GSTM4: variants seen among roughly 807,000 people sequenced by gnomAD.
The protein encoded by GSTM4 is GST class-mu 4.
GSTM4 carries 27 observed loss-of-function variants against 30.1 expected under a neutral mutation model. The ratio of observed to expected loss-of-function variants is 0.90; its 90% CI spans 0.66 to 1.24. The LOEUF is 1.24. Ranked by LOEUF, GSTM4 falls within the 50% of genes most tolerant of loss-of-function variation. The pLI is 0.00. For missense variants in GSTM4, 238 were observed against 272.1 expected (o/e 0.87, Z 0.88); for synonymous variants, 94 against 96.2 (o/e 0.98, Z 0.13).
chr1:109,664,011 T>C (rs1480069622), downstream of GSTM4, among the ~76,000 whole-genome samples: 1 of 152,244 alleles, frequency 6.6e-6, no homozygotes, highest in Non-Finnish European at 1.5e-5. Context: ...GCACATACAC[T>C]CTTAGGTTCT....
At chr1:109,661,777 G>T (rs1652335332), downstream of GSTM4, 2 of 928,634 alleles carry the variant, frequency 2.2e-6, no homozygotes, top group South Asian at 9.3e-5. Context: ...GGACTGGCTG[G>T]TGACCCTGGC....
chr1:109,665,050 A>C, downstream of GSTM4: 1 of 1,444,156 alleles, frequency 6.9e-7, no homozygotes, highest in Non-Finnish European at 9.8e-7. Flanking sequence ...TTTCTGCATC[A>C]ACTTGACTGG....
intron 7 of GSTM4, chr1:109,660,360 A>C (rs1652251791): frequency 6.5e-6 from 1 of 153,770 alleles, no homozygotes; most frequent in African/African-American, 2.4e-5. Flanking sequence ...CGTGCAGAGC[A>C]CACCTGAGTG....
At chr1:109,665,032 T>C (rs748047063), downstream of GSTM4, 2 of 1,581,476 alleles carry the variant, frequency 1.3e-6, no homozygotes, top group Non-Finnish European at 1.7e-6. Flanking sequence ...CATAATGTGA[T>C]GGTCAATTTT....
downstream of GSTM4, chr1:109,664,909 G>A: frequency 7.9e-7 from 1 of 1,259,694 alleles, no homozygotes; most frequent in South Asian, 1.2e-5. Flanking sequence ...TTCTCTACCT[G>A]TGGCTTAGTC....
At chr1:109,663,356 A>ATG (rs1652372372), downstream of GSTM4, among the ~76,000 whole-genome samples, 1 of 152,174 alleles carries the variant, frequency 6.6e-6, no homozygotes, top group African/African-American at 2.4e-5. Flanking sequence ...TATGCACTGT[A>ATG]TGTATTACAC....
At position 109,656,742 on chromosome 1, in the gene GSTM4, TAC is replaced by T. The variant is rs1282984343; in HGVS notation, c.71_72del (p.Thr24ArgfsTer16). On this transcript the variant is annotated frameshift_variant, in exon 2 of 8. Transcript: ENST00000369836. LOFTEE classifies it high-confidence loss of function. Reference sequence around the variant, plus strand: ...CCACGCCATCCGCCTGCTCCTGGAATACACAGACTCAAGCTACGAGGAAAAGA... The same window carrying T: ...CCACGCCATCCGCCTGCTCCTGGAATACAGACTCAAGCTACGAGGAAAAGA... ...LAHAIRLLLE[Y>X]TDSSYEEKKY... 4.3e-6 allele frequency: 7 copies of T among 1,613,838 alleles called. No homozygotes were observed. Among genetic ancestry groups the T allele is most frequent in the Admixed American group, 1.7e-5 (1 of 60,004 alleles).
At position 109,657,199 on chromosome 1, in the gene GSTM4, T is replaced by C; in HGVS notation, c.113-16T>C. The C allele has an allele frequency of 1.9e-6, 3 of 1,612,246 alleles. No individual in the cohort carries two copies. Among genetic ancestry groups the C allele is most frequent in the Admixed American group, 1.7e-5 (1 of 60,024 alleles). ...CTCTGGGGAGGTTTGTTTTCACTTCTTCTTCCCCACGGCAGCTCCTGACTA... is the reference window on the plus strand; with the variant it reads ...CTCTGGGGAGGTTTGTTTTCACTTCCTCTTCCCCACGGCAGCTCCTGACTA... On this transcript the variant is annotated splice_polypyrimidine_tract_variant and intron_variant, in intron 2 of 7. Transcript: ENST00000369836.
downstream of GSTM4, among the ~76,000 whole-genome samples, chr1:109,664,313 T>C (rs1282673706): frequency 7.1e-6 from 1 of 141,190 alleles, no homozygotes; most frequent in African/African-American, 2.6e-5. Context: ...GGTATTATCA[T>C]AGATAAATTG....
downstream of GSTM4, among the ~76,000 whole-genome samples, chr1:109,662,199 G>C (rs748836342): frequency 6.6e-6 from 1 of 152,234 alleles, no homozygotes; most frequent in Non-Finnish European, 1.5e-5. Context: ...CTATAGAAAG[G>C]ATGCCTCTTT....
Position 109,656,705 on chromosome 1 carries a change from C to T in GSTM4, c.37-7C>T, listed in dbSNP as rs764251447. ...CTCTGACACGACCTGCGGGCCATCT[C>T]TTCCAGCTGGCCCACGCCATCCGCC... On this transcript the variant is annotated splice_polypyrimidine_tract_variant and splice_region_variant and intron_variant, in intron 1 of 7. Transcript: ENST00000369836. The T allele has an allele frequency of 3.1e-6, 5 of 1,613,516 alleles. No homozygotes were observed. The highest frequency in any genetic ancestry group is 1.1e-5 in the South Asian group (1 of 91,060).
chr1:109,661,771 T>C, downstream of GSTM4: 1 of 954,116 alleles, frequency 1.0e-6, no homozygotes, highest in Non-Finnish European at 1.3e-6. Context: ...TCTGAGGGAC[T>C]GGCTGGTGAC....
chr1:109,657,030 A>C, intron 2 of GSTM4, 185 bp from the exon 3 acceptor site: 1 of 796,968 alleles, frequency 1.3e-6, no homozygotes, highest in South Asian at 1.5e-5. Context: ...TGGAAGCCTT[A>C]GCCGTGTGGG....
rs2101229938 is a variant in GSTM4, at chr1:109,661,436, C to A, written c.*182C>A. 1.4e-6 allele frequency: 2 copies of A among 1,452,888 alleles called. No individual in the cohort carries two copies. The highest frequency in any genetic ancestry group is 1.4e-5 in the African/African-American group (1 of 70,376). 90.0% of individuals were successfully genotyped at this position (1,452,888 alleles called of 1,614,324 possible). On this transcript the variant is annotated 3_prime_UTR_variant, in exon 8 of 8. Coordinates refer to ENST00000369836, the MANE Select transcript of GSTM4 (RefSeq NM_000850.5). ...ACTTCCCCTAAACCCCTGTCCCATG[C>A]AGGCCCTTTGAAGCCTCAGCTACCC...
In GSTM4 at chr1:109,657,873, G is replaced by T. The variant is rs745313356; in HGVS notation, c.360+1G>T. On this transcript the variant is annotated splice_donor_variant, in intron 5 of 7. Coordinates refer to ENST00000369836, the MANE Select transcript of GSTM4 (RefSeq NM_000850.5). LOFTEE classifies it high-confidence loss of function. The stretch of plus-strand genomic sequence containing the variant: ...CAGAGTCTGCTACAGCCCTGACTTT[G>T]TGAGTCCCTCCCTGGTCTGGACCAG... 6.8e-6 allele frequency: 11 copies of T among 1,613,388 alleles called. No homozygotes were observed. In the East Asian group the frequency reaches 2.5e-4, roughly 36 times the overall value.
downstream of GSTM4, among the ~76,000 whole-genome samples, chr1:109,664,377 T>TTTTTTTTTTTTG (rs1647232068): frequency 3.9e-5 from 5 of 128,192 alleles, no homozygotes; most frequent in South Asian, 2.6e-4. Flanking sequence ...TTTTTTTTTT[T>TTTTTTTTTTTTG]GATGTGGAGT....
downstream of GSTM4, chr1:109,664,957 G>C (rs879109790): frequency 6.2e-7 from 1 of 1,605,256 alleles, no homozygotes; most frequent in African/African-American, 1.3e-5. Flanking sequence ...TCTTGTGGCA[G>C]TCAAGACCTT....
Position 109,656,309 on chromosome 1 carries a change from C to T in GSTM4, c.-81C>T. 7.2e-7 allele frequency: 1 copy of T among 1,397,328 alleles called. No homozygotes were observed. The highest frequency in any genetic ancestry group is 2.3e-5 in the East Asian group (1 of 43,728). The allele number at this position is 1,397,328 out of a possible 1,614,324, so 86.6% of individuals were successfully genotyped here. ...GGGCGGGTCTGGCGCTAGGTCCAGC[C>T]CCTGCGTGCCGGGAACCCCAGAGGA... On this transcript the variant is annotated 5_prime_UTR_variant, in exon 1 of 8. Transcript: ENST00000369836.
chr1:109,658,752 G>T (rs1463544626), intron 5 of GSTM4, 62 bp from the exon 6 acceptor site: 3 of 1,212,384 alleles, frequency 2.5e-6, no homozygotes, highest in Non-Finnish European at 2.5e-6. Context: ...ACAGCCCTGG[G>T]GAGGCCACAT....
Sources: allele counts gnomAD v4.1 joint callset (sites outside exome capture counted in the v4.1 genomes callset), GRCh38; gene constraint gnomAD v4.1.1; transcripts MANE v1.5; gene names NCBI Gene and HGNC (gene_info 2026-07-23, HGNC 2026-07-21).